Variants in AGAP1 observed in about 807,000 individuals in gnomAD.
The protein encoded by AGAP1 is ArfGAP with GTPase domain, ankyrin repeat and PH domain 1.
Under a neutral mutation model 105.3 loss-of-function variants are expected in AGAP1, and 29 were observed. The ratio of observed to expected loss-of-function variants is 0.28; its 90% CI spans 0.21 to 0.38. AGAP1 has a LOEUF of 0.38. Ranked by LOEUF, AGAP1 falls within the 10% of genes least tolerant of loss-of-function variation. The probability of loss-of-function intolerance (pLI) is 1.00; values close to 1 mark genes in which losing one functional copy is unlikely to be tolerated. For synonymous variants in AGAP1, 509 were observed against 485.9 expected (o/e 1.05, Z -0.63); for missense variants, 998 against 1,165.1 (o/e 0.86, Z 2.09).
At chr2:236,107,277 C>T (rs962285721) in intron 16 of AGAP1, among the ~76,000 whole-genome samples, 15 of 152,212 alleles carry the variant, frequency 9.9e-5, no homozygotes, top group African/African-American at 3.4e-4. Context: ...GGTCCCTCCT[C>T]CTCTGTGCTG....
Position 235,942,924 on chromosome 2 carries a change from TA to T in AGAP1, c.1483+12011del, listed in dbSNP as rs199780041. On this transcript the variant is annotated intron_variant, in intron 12 of 17. Transcript: ENST00000304032. The stretch of plus-strand genomic sequence containing the variant: ...CAACATGGAGAGACCCTATCTCTAC[TA>T]AAAAAAAAATTCATTTAATTAGCTG... Among the ~76,000 whole-genome samples, 538 of 151,210 alleles carry T rather than the reference TA, an allele frequency of 3.6e-3. 2 individuals carry two copies. The highest frequency in any genetic ancestry group is 0.012 in the African/African-American group (484 of 41,382).
intron 9 of AGAP1, among the ~76,000 whole-genome samples, chr2:235,819,656 C>G (rs1958668540): frequency 6.6e-6 from 1 of 152,050 alleles, no homozygotes; most frequent in Non-Finnish European, 1.5e-5. Flanking sequence ...TGTGCTCTTT[C>G]CTTTTCTTTC....
chr2:235,947,367 C>T lies in AGAP1; in HGVS notation c.1483+16444C>T, dbSNP rs116803331. Among the ~76,000 whole-genome samples, 547 of 152,314 alleles carry T rather than the reference C, an allele frequency of 3.6e-3. 4 individuals carry two copies. Among genetic ancestry groups the T allele is most frequent in the African/African-American group, 0.012 (495 of 41,554 alleles). ...GAGTTACTTCACTTAGAATAATGGT[C>T]TCCAAATCTGCCCAGGTTGCTGTAA... On this transcript the variant is annotated intron_variant, in intron 12 of 17. Transcript: ENST00000304032.
rs930399050 is a variant in AGAP1 at position 235,744,304 on chromosome 2, G to C, written c.397-394G>C. 6.6e-6 allele frequency among the ~76,000 whole-genome samples: 1 copy of C among 152,310 alleles called. No individual in the cohort carries two copies. Among genetic ancestry groups the C allele is most frequent in the Middle Eastern group, 3.4e-3 (1 of 294 alleles). On this transcript the variant is annotated intron_variant, in intron 4 of 17. Transcript: ENST00000304032. The surrounding 1 kb of genome is among the most constrained non-coding windows in gnomAD (Gnocchi z 5.2). ...GCTTCCTTAAGAGGTTGAGAGTACAGTGGAAAGCCTTAGGGCTTGAGGGGC... is the reference window on the plus strand; with the variant it reads ...GCTTCCTTAAGAGGTTGAGAGTACACTGGAAAGCCTTAGGGCTTGAGGGGC...
At chr2:235,762,159 G>A (rs1482464162) in intron 6 of AGAP1, among the ~76,000 whole-genome samples, 5 of 151,908 alleles carry the variant, frequency 3.3e-5, no homozygotes, top group Admixed American at 3.3e-4. Flanking sequence ...TAGCCATGTG[G>A]TCCTTTTTTC....
rs182687192 is a variant in AGAP1, at chr2:235,998,378, G to A, written c.1645+29755G>A. ...ATATGTCAGGTTTCCTTGACTCCAG[G>A]AACAGGAGTGAGAAGATGGATGCCT... On this transcript the variant is annotated intron_variant, in intron 13 of 17. Coordinates refer to ENST00000304032, the MANE Select transcript of AGAP1 (RefSeq NM_001037131.3). Among the ~76,000 whole-genome samples, 100 of 152,278 alleles carry A rather than the reference G, an allele frequency of 6.6e-4. 1 individual carries two copies. In the East Asian group the frequency reaches 0.01, roughly 15 times the overall value.
In AGAP1 at chr2:235,833,860, T is replaced by TTG. The variant is rs1382017163; in HGVS notation, c.1050+26530_1050+26531insGT. The stretch of plus-strand genomic sequence containing the variant: ...CACTCCAATCCTCCAATCTGGTTTT[T>TTG]TTTTTTTTTTTTTTAAAGCTCTGGT... On this transcript the variant is annotated intron_variant, in intron 9 of 17. Transcript: ENST00000304032. Among the ~76,000 whole-genome samples the TTG allele has an allele frequency of 3.3e-5, 5 of 151,552 alleles. No homozygotes were observed. The East Asian group carries it at 9.7e-4, about 29-fold the overall frequency.
rs897610780 is a variant in AGAP1 at position 236,009,303 on chromosome 2, A to T, written c.1646-27258A>T. ...TAACCTCACAATGAAATCGCCACGG[A>T]CAAAAGATCACGGGATACCGGGAGC... is the stretch of plus-strand genomic sequence containing the variant. On this transcript the variant is annotated intron_variant, in intron 13 of 17. Transcript: ENST00000304032. The surrounding 1 kb of genome is among the most constrained non-coding windows in gnomAD (Gnocchi z 4.2). Among the ~76,000 whole-genome samples the T allele has an allele frequency of 6.6e-6, 1 of 152,238 alleles. No individual in the cohort carries two copies. The highest frequency in any genetic ancestry group is 2.4e-5 in the African/African-American group (1 of 41,454).
rs186999728 is a variant in AGAP1 at position 235,879,684 on chromosome 2, C to A, written c.1051-3661C>A. On this transcript the variant is annotated intron_variant, in intron 9 of 17. Coordinates refer to ENST00000304032, the MANE Select transcript of AGAP1 (RefSeq NM_001037131.3). The surrounding 1 kb of genome is among the most constrained non-coding windows in gnomAD (Gnocchi z 5.0). ...TCACTCCCCTGTTACCCCAGCACTT[C>A]TGGGAAGCCATGGTGGGAGGATTGC... 1.9e-4 allele frequency among the ~76,000 whole-genome samples: 29 copies of A among 152,200 alleles called. No individual in the cohort carries two copies. The highest frequency in any genetic ancestry group is 5.5e-4 in the African/African-American group (23 of 41,536).
At chr2:235,856,697 ACCTGCCCATGCAGAGT>A (rs1244538279) in intron 9 of AGAP1, among the ~76,000 whole-genome samples, 4 of 152,248 alleles carry the variant, frequency 2.6e-5, no homozygotes, top group Non-Finnish European at 4.4e-5. Flanking sequence ...GGAAAGGGTC[ACCTGCCCATGCAGAGT>A]CACAGGTCCT....
intron 6 of AGAP1, among the ~76,000 whole-genome samples, chr2:235,791,409 TTTTTC>T (rs1209265414): frequency 1.1e-4 from 16 of 152,264 alleles, no homozygotes; most frequent in Non-Finnish European, 1.5e-4. Context: ...AGATTCTTTC[TTTTTC>T]TTTTCTTTTC....
rs1480307312 is a variant in AGAP1 at position 235,535,239 on chromosome 2, C to G, written c.163+40390C>G. Reference sequence around the variant, plus strand: ...GGAAGACCCGATGGAGCAGGTTTCACAGTGCCCTCGCTGCTGCCTCCCGTT... The same window carrying G: ...GGAAGACCCGATGGAGCAGGTTTCAGAGTGCCCTCGCTGCTGCCTCCCGTT... On this transcript the variant is annotated intron_variant, in intron 1 of 17. Coordinates refer to ENST00000304032, the MANE Select transcript of AGAP1 (RefSeq NM_001037131.3). The surrounding 1 kb of genome is among the most constrained non-coding windows in gnomAD (Gnocchi z 5.1). Among the ~76,000 whole-genome samples the G allele has an allele frequency of 2.0e-5, 3 of 152,174 alleles. No homozygotes were observed. The highest frequency in any genetic ancestry group is 4.4e-5 in the Non-Finnish European group (3 of 68,026).
intron 1 of AGAP1, among the ~76,000 whole-genome samples, chr2:235,602,201 T>C (rs1218014647): frequency 6.6e-6 from 1 of 152,224 alleles, no homozygotes; most frequent in African/African-American, 2.4e-5. Flanking sequence ...GACAATGATA[T>C]GAAATTCATA....
chr2:235,575,787 T>G (rs1944712263), intron 1 of AGAP1, among the ~76,000 whole-genome samples: 1 of 152,206 alleles, frequency 6.6e-6, no homozygotes, highest in Non-Finnish European at 1.5e-5. Context: ...TGGAGATGTG[T>G]CTTTCTTCTG....
chr2:236,054,517 GA>G (rs1183717809), intron 16 of AGAP1, among the ~76,000 whole-genome samples: 73 of 147,768 alleles, frequency 4.9e-4, no homozygotes, highest in African/African-American at 1.6e-3. Context: ...GGAGAAAGGA[GA>G]AAAAAAATAA....
In AGAP1 at chr2:235,967,094, A is replaced by G. The variant is rs1325683162; in HGVS notation, c.1484-1368A>G. Among the ~76,000 whole-genome samples the G allele has an allele frequency of 6.6e-6, 1 of 151,922 alleles. No homozygotes were observed. Among genetic ancestry groups the G allele is most frequent in the African/African-American group, 2.4e-5 (1 of 41,358 alleles). ...GGCGAGGGTCCTCACGGTGGCCCGC[A>G]AGCCCCCTCCTCTCCAGTGCCACCT... On this transcript the variant is annotated intron_variant, in intron 12 of 17. Transcript: ENST00000304032. This position sits in a 1 kb window ranked among gnomAD's most constrained non-coding sequence, Gnocchi z 4.7.
At chr2:235,775,227 G>A (rs190134201) in intron 6 of AGAP1, among the ~76,000 whole-genome samples, 2 of 152,288 alleles carry the variant, frequency 1.3e-5, no homozygotes, top group African/African-American at 2.4e-5. Flanking sequence ...GTCCCAGACT[G>A]TAGCACACTC....
In AGAP1 at chr2:235,959,463, A is replaced by T. The variant is rs2054090366; in HGVS notation, c.1484-8999A>T. On this transcript the variant is annotated intron_variant, in intron 12 of 17. Transcript: ENST00000304032. This position sits in a 1 kb window ranked among gnomAD's most constrained non-coding sequence, Gnocchi z 7.3. Reference sequence around the variant, plus strand: ...CTCTCGACACCTAGAAGCCAGGGGCATTCATATTCCCGTGGCCGAGCTCAG... The same window carrying T: ...CTCTCGACACCTAGAAGCCAGGGGCTTTCATATTCCCGTGGCCGAGCTCAG... Among the ~76,000 whole-genome samples the T allele has an allele frequency of 6.6e-6, 1 of 152,130 alleles. No individual in the cohort carries two copies. Among genetic ancestry groups the T allele is most frequent in the Admixed American group, 6.5e-5 (1 of 15,280 alleles).
rs1343481751 is a variant in AGAP1, at chr2:236,119,446, G to A, written c.2115-746G>A. 6.6e-6 allele frequency among the ~76,000 whole-genome samples: 1 copy of A among 152,160 alleles called. No homozygotes were observed. The highest frequency in any genetic ancestry group is 1.5e-5 in the Non-Finnish European group (1 of 68,026). On this transcript the variant is annotated intron_variant, in intron 16 of 17. Coordinates refer to ENST00000304032, the MANE Select transcript of AGAP1 (RefSeq NM_001037131.3). The surrounding 1 kb of genome is among the most constrained non-coding windows in gnomAD (Gnocchi z 6.6). ...TCTCCACCCTCTCCTGCGTGAGTCTGTTGCCATGTTTTCCTCAGCTGAAAG... is the reference window on the plus strand; with the variant it reads ...TCTCCACCCTCTCCTGCGTGAGTCTATTGCCATGTTTTCCTCAGCTGAAAG...
Sources: allele counts gnomAD v4.1 joint callset (sites outside exome capture counted in the v4.1 genomes callset), GRCh38; gene constraint gnomAD v4.1.1; non-coding constraint Gnocchi (gnomAD v3.1); transcripts MANE v1.5; gene names NCBI Gene and HGNC (gene_info 2026-07-23, HGNC 2026-07-21).